The following SNTG1 variants were observed in gnomAD, a reference collection of about 807,000 sequenced individuals.
SNTG1 encodes gamma-1-syntrophin.
SNTG1 carries 39 observed loss-of-function variants against 74.7 expected under a neutral mutation model. The observed-to-expected ratio is 0.52, with a 90% CI of 0.40 to 0.68. The LOEUF is 0.68. Among genes scored for constraint, SNTG1 ranks in the 30% least tolerant of loss-of-function variants. SNTG1 has a pLI of 0.00. For synonymous variants in SNTG1, 254 were observed against 217.1 expected, an observed-to-expected ratio of 1.17 and a Z score of -1.49; for missense variants, 685 against 609.5, an observed-to-expected ratio of 1.12 and a Z score of -1.30.
At chr8:50,419,896 G>A (rs924984191) in intron 4 of SNTG1, among the ~76,000 whole-genome samples, 5 of 151,772 alleles carry the variant, frequency 3.3e-5, no homozygotes, top group Admixed American at 6.6e-5. Context: ...AAACTCAATG[G>A]TTGGGCACAA....
At chr8:50,127,962 G>T (rs569637427) in intron 1 of SNTG1, among the ~76,000 whole-genome samples, 125 of 152,170 alleles carry the variant, frequency 8.2e-4, no homozygotes, top group African/African-American at 3.0e-3. Context: ...TTAAATGTAT[G>T]TATATCGTTA....
chr8:49,968,449 T>G (rs541632010), intron 1 of SNTG1, among the ~76,000 whole-genome samples: 9 of 152,276 alleles, frequency 5.9e-5, no homozygotes, highest in Non-Finnish European at 1.0e-4. Context: ...CACAATGTCT[T>G]GACATTGCAT....
chr8:50,301,863 T>G (rs1223687715), intron 2 of SNTG1, among the ~76,000 whole-genome samples: 2 of 98,826 alleles, frequency 2.0e-5, no homozygotes, highest in African/African-American at 6.5e-5. Flanking sequence ...TTGTTTTTTG[T>G]TTTTTTTTTT....
Position 50,450,742 on chromosome 8 carries a change from T to C in SNTG1, c.363+13T>C, listed in dbSNP as rs1450784248. 6.2e-7 allele frequency: 1 copy of C among 1,611,630 alleles called. No homozygotes were observed. Among genetic ancestry groups the C allele is most frequent in the East Asian group, 2.2e-5 (1 of 44,704 alleles). ...ACATGAAGAAGTGGTGAGTTTACTT[T>C]TTCCTAATGTCATAGTTTTCCCCAT... On this transcript the variant is annotated intron_variant, in intron 8 of 18. Transcript: ENST00000642720.
chr8:50,193,687 A>G (rs796069098), intron 2 of SNTG1, among the ~76,000 whole-genome samples: 5 of 152,116 alleles, frequency 3.3e-5, no homozygotes, highest in African/African-American at 1.2e-4. Context: ...GATTGCTCTG[A>G]CTAGGACTTC....
intron 18 of SNTG1, chr8:50,762,686 C>A: frequency 6.3e-6 from 3 of 475,160 alleles, no homozygotes; most frequent in South Asian, 1.5e-5. Context: ...TGTCTTCTAC[C>A]CGAAGAGACC....
chr8:50,591,749 T>C (rs1410757693), intron 13 of SNTG1, among the ~76,000 whole-genome samples: 1 of 152,246 alleles, frequency 6.6e-6, no homozygotes, highest in Non-Finnish European at 1.5e-5. Context: ...ACTAGAACAC[T>C]GTAGAGAACA....
At chr8:50,398,197 C>G (rs2092752868) in intron 3 of SNTG1, among the ~76,000 whole-genome samples, 1 of 152,228 alleles carries the variant, frequency 6.6e-6, no homozygotes, top group African/African-American at 2.4e-5. Context: ...ATCTTCTACT[C>G]TGCTACAAGA....
chr8:50,508,163 G>A (rs975570531), intron 9 of SNTG1, among the ~76,000 whole-genome samples: 6 of 152,166 alleles, frequency 3.9e-5, no homozygotes, highest in Admixed American at 3.9e-4. Flanking sequence ...GTGAGAACAA[G>A]CAGTGTTTGG....
chr8:50,111,756 A>G (rs1247630280), intron 1 of SNTG1, among the ~76,000 whole-genome samples: 1 of 152,164 alleles, frequency 6.6e-6, no homozygotes, highest in African/African-American at 2.4e-5. Context: ...ATCCTAGGAA[A>G]CTGAAATTAT....
At chr8:50,414,793 A>G (rs114285796) in intron 4 of SNTG1, among the ~76,000 whole-genome samples, 1 of 151,856 alleles carries the variant, frequency 6.6e-6, no homozygotes, top group Non-Finnish European at 1.5e-5. Context: ...TCAGATCTGA[A>G]GTGTACAGGC....
chr8:50,370,431 T>C (rs2092240917), intron 2 of SNTG1, among the ~76,000 whole-genome samples: 1 of 152,022 alleles, frequency 6.6e-6, no homozygotes, highest in Admixed American at 6.6e-5. Flanking sequence ...CCCTGATGAG[T>C]ATGGGCACAA....
chr8:50,368,186 C>A (rs1338021793), intron 2 of SNTG1, among the ~76,000 whole-genome samples: 1 of 152,062 alleles, frequency 6.6e-6, no homozygotes, highest in African/African-American at 2.4e-5. Flanking sequence ...TGAGAACAGG[C>A]CACTGTAAGC....
At chr8:49,947,435 G>A (rs538066035) in intron 1 of SNTG1, among the ~76,000 whole-genome samples, 1 of 152,060 alleles carries the variant, frequency 6.6e-6, no homozygotes, top group Non-Finnish European at 1.5e-5. Context: ...TCTTTTTGTT[G>A]TCACCACTAT....
At chr8:50,661,261 T>C (rs1026690408) in intron 15 of SNTG1, among the ~76,000 whole-genome samples, 1 of 152,180 alleles carries the variant, frequency 6.6e-6, no homozygotes, top group Non-Finnish European at 1.5e-5. Context: ...TAATAATATG[T>C]AGGAAGGACT....
intron 2 of SNTG1, among the ~76,000 whole-genome samples, chr8:50,315,642 A>C (rs1262077201): frequency 2.1e-5 from 3 of 145,868 alleles, no homozygotes; most frequent in African/African-American, 7.9e-5. Flanking sequence ...ACTAAAATGA[A>C]GCATACTTCA....
In SNTG1 at chr8:50,751,984, T is replaced by G; in HGVS notation, c.1285-17T>G. On this transcript the variant is annotated splice_polypyrimidine_tract_variant and intron_variant, in intron 17 of 18. Coordinates refer to ENST00000642720, the MANE Select transcript of SNTG1 (RefSeq NM_018967.5). ...ATTAATTCCACCGACTTACATTGTT[T>G]TTTTTCCCCCCTTTAGGCTGTCCTT... The G allele has an allele frequency of 6.8e-7, 1 of 1,471,296 alleles. No homozygotes were observed. Among genetic ancestry groups the G allele is most frequent in the Non-Finnish European group, 9.1e-7 (1 of 1,101,154 alleles). The allele number at this position is 1,471,296 out of a possible 1,614,324, so 91.1% of individuals were successfully genotyped here. A position where few individuals can be genotyped will look rare whatever the true frequency, so the allele number is the denominator to read the frequency against.
chr8:49,992,001 T>C (rs1002552388), intron 1 of SNTG1, among the ~76,000 whole-genome samples: 1 of 152,304 alleles, frequency 6.6e-6, no homozygotes. Flanking sequence ...GAAAGGAGAA[T>C]TCTTAATGAT....
chr8:50,230,410 G>T (rs1356568641), intron 2 of SNTG1, among the ~76,000 whole-genome samples: 1 of 151,222 alleles, frequency 6.6e-6, no homozygotes. Context: ...TACATTAAGG[G>T]AGTAATACTA....
Sources: gnomAD v4.1 joint callset for allele counts (sites outside exome capture counted in the v4.1 genomes callset) on GRCh38, gnomAD v4.1.1 for gene constraint, MANE v1.5 for transcripts, NCBI Gene and HGNC (gene_info 2026-07-23, HGNC 2026-07-21) for gene names.